The following OR6C75 variants were observed in gnomAD, a reference collection of about 807,000 sequenced individuals.
The protein encoded by OR6C75 is olfactory receptor family 6 subfamily C member 75.
For missense variants in OR6C75, 380 were observed against 368.0 expected, an observed-to-expected ratio of 1.03 and a Z score of -0.27; for synonymous variants, 149 against 130.6, an observed-to-expected ratio of 1.14 and a Z score of -0.96.
chr12:55,365,490 C>T lies in OR6C75; in HGVS notation c.380C>T (p.Pro127Leu). The T allele has an allele frequency of 6.2e-7, 1 of 1,613,986 alleles. No homozygotes were observed. The highest frequency in any genetic ancestry group is 8.5e-7 in the Non-Finnish European group (1 of 1,179,980). The change falls in exon 3 of 3, where the codon CCT becomes CTT. Residue 127 changes from proline (P) to leucine (L), a missense_variant. Pro to Leu is a moderately conservative substitution (Grantham distance 98). Coordinates refer to ENST00000641576, the MANE Select transcript of OR6C75 (RefSeq NM_001005497.2). ...SYDRCMAICK[P>L]LHYTIIMSTR... The stretch of plus-strand genomic sequence containing the variant: ...GACCGCTGCATGGCCATCTGCAAAC[C>T]TCTTCATTACACAATCATCATGAGC...
intron 2 of OR6C75, among the ~76,000 whole-genome samples, chr12:55,364,312 C>CTTTTTTTTTTTTTT (rs59247539): frequency 0.019 from 329 of 17,170 alleles, 122 homozygotes; most frequent in Non-Finnish European, 0.033. Context: ...GTTTCTTTTC[C>CTTTTTTTTTTTTTT]TTTTTTTTTT....
rs1017142674 is a variant in OR6C75 at position 55,366,710 on chromosome 12, T to A, written c.*661T>A. 3 of 152,104 alleles carry A rather than the reference T, an allele frequency of 2.0e-5. No homozygotes were observed. Among genetic ancestry groups the A allele is most frequent in the African/African-American group, 7.2e-5 (3 of 41,438 alleles). The allele number at this position is 152,104 out of a possible 1,614,324, so 9.4% of individuals were successfully genotyped here. On this transcript the variant is annotated 3_prime_UTR_variant, in exon 3 of 3. Transcript: ENST00000641576. ...ACATTAAATAAAAGTGTAAGACAAA[T>A]GTGCAGAGATATTATCTCTGTTGTT...
Position 55,365,840 on chromosome 12 carries a change from A to G in OR6C75, c.730A>G (p.Ile244Val), listed in dbSNP as rs765679556. ...CTTTTCCACTTGCTCCTCCCATATG[A>G]TAGTTGTCTCCATCTCTTACAGTAG... Reference protein sequence around the residue: ...KAFSTCSSHMIVVSISYSSCI... With the variant: ...KAFSTCSSHMVVVSISYSSCI... The change falls in exon 3 of 3, where the codon ATA becomes GTA. Residue 244 changes from isoleucine (I) to valine (V), a missense_variant. Coordinates refer to ENST00000641576, the MANE Select transcript of OR6C75 (RefSeq NM_001005497.2). 1.2e-6 allele frequency: 2 copies of G among 1,613,746 alleles called. No individual in the cohort carries two copies. The highest frequency in any genetic ancestry group is 1.7e-6 in the Non-Finnish European group (2 of 1,179,902).
At position 55,366,194 on chromosome 12, in the gene OR6C75, T is replaced by C. The variant is rs1869801160; in HGVS notation, c.*145T>C. 2 of 565,644 alleles carry C rather than the reference T, an allele frequency of 3.5e-6. No individual in the cohort carries two copies. Among genetic ancestry groups the C allele is most frequent in the African/African-American group, 1.9e-5 (1 of 52,570 alleles). The allele number at this position is 565,644 out of a possible 1,614,324, so 35.0% of individuals were successfully genotyped here. ...TATCATCAACACTTCTTAATGAAAT[T>C]AGCCTAAAAACCAAGATTTAGCTCT... On this transcript the variant is annotated 3_prime_UTR_variant, in exon 3 of 3. Coordinates refer to ENST00000641576, the MANE Select transcript of OR6C75 (RefSeq NM_001005497.2).
chr12:55,363,974 A>G (rs984559472), intron 2 of OR6C75, 92 bp downstream of exon 2: 15 of 144,688 alleles, frequency 1.0e-4, no homozygotes, highest in Admixed American at 1.4e-4. Flanking sequence ...AGTTTTTTAA[A>G]GTCCTTTTTT....
Position 55,365,036 on chromosome 12 carries a change from C to G in OR6C75, c.-75C>G. On this transcript the variant is annotated 5_prime_UTR_variant, in exon 3 of 3. The change creates a premature stop within an existing upstream ORF in the 5' untranslated region. Transcript: ENST00000641576. Reference sequence around the variant, plus strand: ...AGAAAAAAAATAATAATTTTCTTTACTGGTGTCATAGTTTTCTGGTTTCTT... The same window carrying G: ...AGAAAAAAAATAATAATTTTCTTTAGTGGTGTCATAGTTTTCTGGTTTCTT... The G allele has an allele frequency of 1.1e-6, 1 of 929,896 alleles. No homozygotes were observed. The highest frequency in any genetic ancestry group is 1.7e-6 in the Non-Finnish European group (1 of 605,178). The allele number at this position is 929,896 out of a possible 1,614,324, so 57.6% of individuals were successfully genotyped here.
In OR6C75 at chr12:55,365,496, A is replaced by G. The variant is rs1189890528; in HGVS notation, c.386A>G (p.His129Arg). The part of the protein sequence containing the change: ...DRCMAICKPL[H>R]YTIIMSTRVC... ...TGCATGGCCATCTGCAAACCTCTTCATTACACAATCATCATGAGCACCAGA... is the reference window on the plus strand; with the variant it reads ...TGCATGGCCATCTGCAAACCTCTTCGTTACACAATCATCATGAGCACCAGA... The change falls in exon 3 of 3, where the codon CAT becomes CGT. Residue 129 changes from histidine (H) to arginine (R), a missense_variant. His to Arg is a conservative substitution (Grantham distance 29, BLOSUM62 0). Transcript: ENST00000641576. 18 of 1,613,738 alleles carry G rather than the reference A, an allele frequency of 1.1e-5. No individual in the cohort carries two copies. Among genetic ancestry groups the G allele is most frequent in the Non-Finnish European group, 1.4e-5 (16 of 1,179,972 alleles).
rs1869828283 is a variant in OR6C75, at chr12:55,367,361, A to T, written c.*1312A>T. Reference sequence around the variant, plus strand: ...GATGGTTTAACATACACGAATCAATAAATGTGATTCACCACATAAACAGAA... The same window carrying T: ...GATGGTTTAACATACACGAATCAATTAATGTGATTCACCACATAAACAGAA... On this transcript the variant is annotated 3_prime_UTR_variant, in exon 3 of 3. Transcript: ENST00000641576. 6.6e-6 allele frequency: 1 copy of T among 152,224 alleles called. No homozygotes were observed. The highest frequency in any genetic ancestry group is 1.5e-5 in the Non-Finnish European group (1 of 68,032). 9.4% of individuals were successfully genotyped at this position (152,224 alleles called of 1,614,324 possible). A position where few individuals can be genotyped will look rare whatever the true frequency, so the allele number is the denominator to read the frequency against.
In OR6C75 at chr12:55,365,806, G is replaced by GA; in HGVS notation, c.702dup (p.Ala235SerfsTer18). The GA allele has an allele frequency of 1.2e-6, 2 of 1,613,572 alleles. No individual in the cohort carries two copies. Among genetic ancestry groups the GA allele is most frequent in the Non-Finnish European group, 1.7e-6 (2 of 1,179,936 alleles). ...TGAAAATTCCTTCTATGAGTCAAAG[G>GA]AAAAAAGCCTTTTCCACTTGCTCCT... On this transcript the variant is annotated frameshift_variant, in exon 3 of 3. Coordinates refer to ENST00000641576, the MANE Select transcript of OR6C75 (RefSeq NM_001005497.2). LOFTEE classifies it low-confidence loss of function (END_TRUNC).
At position 55,366,116 on chromosome 12, in the gene OR6C75, C is replaced by T. The variant is rs926394491; in HGVS notation, c.*67C>T. 3 of 901,804 alleles carry T rather than the reference C, an allele frequency of 3.3e-6. No homozygotes were observed. Among genetic ancestry groups the T allele is most frequent in the Non-Finnish European group, 1.7e-6 (1 of 597,356 alleles). 55.9% of individuals were successfully genotyped at this position (901,804 alleles called of 1,614,324 possible). On this transcript the variant is annotated 3_prime_UTR_variant, in exon 3 of 3. Coordinates refer to ENST00000641576, the MANE Select transcript of OR6C75 (RefSeq NM_001005497.2). ...ATGAAAAACTCTCTACCCTTCTCTA[C>T]ATGAACTCTTTCTAAACACCTTATT... is the stretch of plus-strand genomic sequence containing the variant.
At position 55,365,342 on chromosome 12, in the gene OR6C75, A is replaced by G. The variant is rs1158214540; in HGVS notation, c.232A>G (p.Arg78Gly). ...EISFTSVCIP[R>G]FLVTVVTGNR... ...TTCATTCACGTCTGTCTGCATTCCCAGATTCCTTGTCACTGTTGTGACAGG... is the reference window on the plus strand; with the variant it reads ...TTCATTCACGTCTGTCTGCATTCCCGGATTCCTTGTCACTGTTGTGACAGG... Residue 78 changes from arginine (R) to glycine (G), a missense_variant, in exon 3 of 3, where the codon AGA (arginine) becomes GGA (glycine). Arg to Gly is a moderately radical substitution (Grantham distance 125). Coordinates refer to ENST00000641576, the MANE Select transcript of OR6C75 (RefSeq NM_001005497.2). The G allele has an allele frequency of 6.2e-7, 1 of 1,613,954 alleles. No homozygotes were observed. The highest frequency in any genetic ancestry group is 1.6e-4 in the Middle Eastern group (1 of 6,062).
At position 55,366,206 on chromosome 12, in the gene OR6C75, C is replaced by G; in HGVS notation, c.*157C>G. The G allele has an allele frequency of 1.8e-6, 1 of 548,964 alleles. No individual in the cohort carries two copies. The highest frequency in any genetic ancestry group is 3.0e-5 in the East Asian group (1 of 33,268). 34.0% of individuals were successfully genotyped at this position (548,964 alleles called of 1,614,324 possible). ...TTCTTAATGAAATTAGCCTAAAAAC[C>G]AAGATTTAGCTCTTCTAAACTATAT... On this transcript the variant is annotated 3_prime_UTR_variant, in exon 3 of 3. Coordinates refer to ENST00000641576, the MANE Select transcript of OR6C75 (RefSeq NM_001005497.2).
Position 55,367,306 on chromosome 12 carries a change from G to C in OR6C75, c.*1257G>C, listed in dbSNP as rs1446583996. ...GCACATCAAAAAGATAATTCACCAC[G>C]ATCAAGTGGGCTTTAAACCTGGATG... On this transcript the variant is annotated 3_prime_UTR_variant, in exon 3 of 3. Transcript: ENST00000641576. 8 of 152,066 alleles carry C rather than the reference G, an allele frequency of 5.3e-5. No individual in the cohort carries two copies. The highest frequency in any genetic ancestry group is 5.2e-4 in the Admixed American group (8 of 15,248). 9.4% of individuals were successfully genotyped at this position (152,066 alleles called of 1,614,324 possible).
In OR6C75 at chr12:55,367,946, G is replaced by C. The variant is rs186623841; in HGVS notation, c.*1897G>C. On this transcript the variant is annotated 3_prime_UTR_variant, in exon 3 of 3. Coordinates refer to ENST00000641576, the MANE Select transcript of OR6C75 (RefSeq NM_001005497.2). ...ATCTCAGCACTTTGGGAGGCCAAGC[G>C]GGGAGGATTGCTTGAGCCCAGAAGT... 1 of 151,308 alleles carries C rather than the reference G, an allele frequency of 6.6e-6. No individual in the cohort carries two copies. The allele number at this position is 151,308 out of a possible 1,614,324, so 9.4% of individuals were successfully genotyped here.
rs770635078 is a variant in OR6C75 at position 55,365,935 on chromosome 12, C to G, written c.825C>G (p.Leu275=). The part of the protein sequence containing the change: ...RVTLSKGVAV[L]NTSVAPLLNP... ...CTTTAAGCAAAGGAGTAGCTGTGCT[C>G]AATACCTCAGTGGCTCCTCTCTTGA... Residue 275 remains leucine (L), a synonymous_variant, in exon 3 of 3, where the codon CTC becomes CTG. Transcript: ENST00000641576. The G allele has an allele frequency of 2.5e-6, 4 of 1,613,382 alleles. No homozygotes were observed. The East Asian group carries it at 8.9e-5, about 36-fold the overall frequency.
At chr12:55,364,197 T>C (rs1869734492) in intron 2 of OR6C75, among the ~76,000 whole-genome samples, 1 of 151,378 alleles carries the variant, frequency 6.6e-6, no homozygotes, top group Non-Finnish European at 1.5e-5. Flanking sequence ...GCCAGGCTGT[T>C]CTCGAACTGA....
At position 55,365,035 on chromosome 12, in the gene OR6C75, A is replaced by G. The variant is rs1869761467; in HGVS notation, c.-76A>G. The G allele has an allele frequency of 1.1e-6, 1 of 919,488 alleles. No individual in the cohort carries two copies. The highest frequency in any genetic ancestry group is 1.7e-6 in the Non-Finnish European group (1 of 595,858). 57.0% of individuals were successfully genotyped at this position (919,488 alleles called of 1,614,324 possible). On this transcript the variant is annotated 5_prime_UTR_variant, in exon 3 of 3. Coordinates refer to ENST00000641576, the MANE Select transcript of OR6C75 (RefSeq NM_001005497.2). ...CAGAAAAAAAATAATAATTTTCTTT[A>G]CTGGTGTCATAGTTTTCTGGTTTCT...
At position 55,365,868 on chromosome 12, in the gene OR6C75, G is replaced by C. The variant is rs148910713; in HGVS notation, c.758G>C (p.Cys253Ser). The C allele has an allele frequency of 8.1e-6, 13 of 1,613,810 alleles. No individual in the cohort carries two copies. The highest frequency in any genetic ancestry group is 1.0e-5 in the Non-Finnish European group (12 of 1,179,948). The change falls in exon 3 of 3, where the codon TGT (cysteine) becomes TCT (serine). Residue 253 changes from cysteine to serine, a missense_variant. Cys to Ser is a moderately radical substitution (Grantham distance 112). Coordinates refer to ENST00000641576, the MANE Select transcript of OR6C75 (RefSeq NM_001005497.2). Reference sequence around the variant, plus strand: ...GTTGTCTCCATCTCTTACAGTAGCTGTATCTTCATGTACATTAAGACTTCT... The same window carrying C: ...GTTGTCTCCATCTCTTACAGTAGCTCTATCTTCATGTACATTAAGACTTCT... ...MIVVSISYSS[C>S]IFMYIKTSAR...
At position 55,366,766 on chromosome 12, in the gene OR6C75, G is replaced by A. The variant is rs960680052; in HGVS notation, c.*717G>A. 1 of 151,898 alleles carries A rather than the reference G, an allele frequency of 6.6e-6. No individual in the cohort carries two copies. The highest frequency in any genetic ancestry group is 1.5e-5 in the Non-Finnish European group (1 of 67,958). 9.4% of individuals were successfully genotyped at this position (151,898 alleles called of 1,614,324 possible). ...TAAGGCTGTATTACTTTTTGTCTTA[G>A]CTTTCCTAGAAAAAAAGAGCAAAGC... On this transcript the variant is annotated 3_prime_UTR_variant, in exon 3 of 3. Coordinates refer to ENST00000641576, the MANE Select transcript of OR6C75 (RefSeq NM_001005497.2).
Sources: allele counts gnomAD v4.1 joint callset (sites outside exome capture counted in the v4.1 genomes callset), GRCh38; gene constraint gnomAD v4.1.1; transcripts MANE v1.5; gene names NCBI Gene and HGNC (gene_info 2026-07-23, HGNC 2026-07-21).